EFL1: variants seen among roughly 807,000 people sequenced by gnomAD.
EFL1 encodes elongation factor-like GTPase 1.
Under a neutral mutation model 126.7 loss-of-function variants are expected in EFL1, and 76 were observed. The ratio of observed to expected loss-of-function variants is 0.60; its 90% CI spans 0.50 to 0.73. The LOEUF is 0.73. EFL1 is among the 30% of genes least tolerant of loss of function. The probability of loss-of-function intolerance (pLI) is 0.00; values close to 1 mark genes in which losing one functional copy is unlikely to be tolerated. For synonymous variants in EFL1, 410 were observed against 448.4 expected, an observed-to-expected ratio of 0.91 and a Z score of 1.08; for missense variants, 1,128 against 1,343.2, an observed-to-expected ratio of 0.84 and a Z score of 2.50.
chr15:82,238,575 G>C (rs1383311969), intron 6 of EFL1, 54 bp from the exon 7 acceptor site: 20 of 1,438,780 alleles, frequency 1.4e-5, no homozygotes, highest in Non-Finnish European at 1.9e-5. Flanking sequence ...GCATGCTCAC[G>C]GCAGGAGAAA....
chr15:82,138,715 T>C lies in EFL1; in HGVS notation c.3117A>G (p.Glu1039=), dbSNP rs201517223. 9.4e-5 allele frequency: 151 copies of C among 1,614,066 alleles called. No homozygotes were observed. The African/African-American group carries it at 1.9e-3, about 21-fold the overall frequency. ...PVAESFGFAD[E]IRKRTSGLAS... is the part of the protein sequence containing the mutation. ...CCAGGCCACTTGTCCTCTTCCTGAT[T>C]TCATCAGCAAAACCAAAGCTTTCAG... The change falls in exon 19 of 20, where the codon GAA becomes GAG. Residue 1039 remains glutamate (E), a synonymous_variant. Coordinates refer to ENST00000268206, the MANE Select transcript of EFL1 (RefSeq NM_024580.6).
At chr15:82,136,941 C>T (rs1175852417) in intron 19 of EFL1, among the ~76,000 whole-genome samples, 2 of 151,728 alleles carry the variant, frequency 1.3e-5, no homozygotes, top group Non-Finnish European at 2.9e-5. Flanking sequence ...ACTGTTAAAA[C>T]CTAGAGTTTG....
chr15:82,186,072 T>C (rs1474013581), intron 15 of EFL1, among the ~76,000 whole-genome samples: 2 of 151,822 alleles, frequency 1.3e-5, no homozygotes, highest in African/African-American at 4.8e-5. Context: ...AGTATCTTCT[T>C]TTTTTTTGTA....
chr15:82,141,413 T>C (rs2073785286), intron 18 of EFL1, among the ~76,000 whole-genome samples: 1 of 152,164 alleles, frequency 6.6e-6, no homozygotes, highest in Non-Finnish European at 1.5e-5. Context: ...CTCACGCCTA[T>C]AATCCCAGCA....
rs2141235535 is a variant in EFL1 at position 82,157,738 on chromosome 15, G to A, written c.2005C>T (p.Arg669Ter). ...CTTTCTTTTAAGTCATCCAGGCATCGCTGAAGGTGGACTTCTCCTGCTGTG... is the reference window on the plus strand; with the variant it reads ...CTTTCTTTTAAGTCATCCAGGCATCACTGAAGGTGGACTTCTCCTGCTGTG... ...LVTAGEVHLQ[R>*]CLDDLKERFA... Residue 669 changes from arginine to a stop codon, truncating the protein, a stop_gained, in exon 17 of 20, where the codon CGA (arginine) becomes TGA (stop). Coordinates refer to ENST00000268206, the MANE Select transcript of EFL1 (RefSeq NM_024580.6). LOFTEE classifies it high-confidence loss of function. 12 of 1,612,556 alleles carry A rather than the reference G, an allele frequency of 7.4e-6. No homozygotes were observed. The highest frequency in any genetic ancestry group is 1.1e-5 in the South Asian group (1 of 90,844).
intron 15 of EFL1, among the ~76,000 whole-genome samples, chr15:82,209,300 T>G (rs1390910561): frequency 7.7e-6 from 1 of 130,372 alleles, no homozygotes; most frequent in Non-Finnish European, 1.6e-5. Flanking sequence ...TGACTAAGGA[T>G]TCACACACAG....
chr15:82,158,132 C>A (rs2073986531), intron 16 of EFL1, among the ~76,000 whole-genome samples: 1 of 152,122 alleles, frequency 6.6e-6, no homozygotes, highest in African/African-American at 2.4e-5. Flanking sequence ...ATACAAGCTA[C>A]CATCTTTTTA....
chr15:82,188,904 A>G (rs1184589302), intron 15 of EFL1, among the ~76,000 whole-genome samples: 6 of 148,858 alleles, frequency 4.0e-5, no homozygotes, highest in Admixed American at 6.7e-5. Context: ...GCAATGTTAG[A>G]GAATGTGTTT....
Position 82,151,608 on chromosome 15 carries a change from G to A in EFL1, c.2846C>T (p.Pro949Leu), listed in dbSNP as rs1221494543. 3 of 1,614,126 alleles carry A rather than the reference G, an allele frequency of 1.9e-6. No homozygotes were observed. The South Asian group carries it at 3.3e-5, about 18-fold the overall frequency. The change falls in exon 18 of 20, where the codon CCA becomes CTA. Residue 949 changes from proline to leucine, a missense_variant. Coordinates refer to ENST00000268206, the MANE Select transcript of EFL1 (RefSeq NM_024580.6). ...GAAAGGTCCATAGCAGTCAGTGAGT[G>A]GAGATTCTCCTTTCTGTGATGTCCT... Reference protein sequence around the residue: ...EKRTSQKGESPLTDCYGPFSG... With the variant: ...EKRTSQKGESLLTDCYGPFSG...
At chr15:82,162,017 C>T (rs2074028581) in intron 16 of EFL1, among the ~76,000 whole-genome samples, 1 of 152,192 alleles carries the variant, frequency 6.6e-6, no homozygotes, top group African/African-American at 2.4e-5. Flanking sequence ...GTGGCTCACA[C>T]CTGTAATCCC....
At chr15:82,149,110 T>G (rs995632260) in intron 18 of EFL1, among the ~76,000 whole-genome samples, 3 of 152,110 alleles carry the variant, frequency 2.0e-5, no homozygotes, top group Non-Finnish European at 4.4e-5. Flanking sequence ...ATGAAAAAAA[T>G]GAATAAGAAA....
chr15:82,153,574 T>A (rs116586756), intron 17 of EFL1, among the ~76,000 whole-genome samples: 1,550 of 152,292 alleles, frequency 0.01, 31 homozygotes, highest in African/African-American at 0.034. Flanking sequence ...TAAGAAAGAT[T>A]AAGTAATTTC....
intron 19 of EFL1, among the ~76,000 whole-genome samples, chr15:82,137,729 TA>T (rs1361993346): frequency 6.6e-6 from 1 of 152,244 alleles, no homozygotes; most frequent in African/African-American, 2.4e-5. Context: ...ACTGCTTTCT[TA>T]AAACAATCTT....
intron 15 of EFL1, among the ~76,000 whole-genome samples, chr15:82,194,727 G>A (rs1026466604): frequency 1.3e-5 from 2 of 152,134 alleles, no homozygotes; most frequent in Non-Finnish European, 1.5e-5. Context: ...AGCAACCCAC[G>A]TTGTAAGGCC....
intron 17 of EFL1, among the ~76,000 whole-genome samples, chr15:82,154,367 C>G (rs2141231540): frequency 6.6e-6 from 1 of 152,246 alleles, no homozygotes; most frequent in South Asian, 2.1e-4. Context: ...CTCCTTGTCT[C>G]CCATTCCTGG....
intron 15 of EFL1, among the ~76,000 whole-genome samples, chr15:82,182,965 T>C (rs2074267971): frequency 6.6e-6 from 1 of 152,094 alleles, no homozygotes; most frequent in Admixed American, 6.5e-5. Context: ...TATGCCAGCA[T>C]TGGAGCTGCT....
intron 18 of EFL1, among the ~76,000 whole-genome samples, chr15:82,146,293 A>T (rs2073845183): frequency 6.6e-6 from 1 of 152,196 alleles, no homozygotes; most frequent in Non-Finnish European, 1.5e-5. Context: ...AATAAAAAAG[A>T]CCTGAAATCA....
At chr15:82,221,681 C>A (rs150336439) in intron 12 of EFL1, among the ~76,000 whole-genome samples, 34 of 152,288 alleles carry the variant, frequency 2.2e-4, no homozygotes, top group Non-Finnish European at 4.9e-4. Context: ...GAGAAACAAT[C>A]CTTGAGCCTG....
chr15:82,227,821 T>A (rs2074780459), intron 10 of EFL1, among the ~76,000 whole-genome samples: 1 of 152,198 alleles, frequency 6.6e-6, no homozygotes, highest in African/African-American at 2.4e-5. Context: ...ATGAAACAAA[T>A]GAGAACAGAG....
Sources: gnomAD v4.1 joint callset for allele counts (sites outside exome capture counted in the v4.1 genomes callset) on GRCh38, gnomAD v4.1.1 for gene constraint, MANE v1.5 for transcripts, NCBI Gene and HGNC (gene_info 2026-07-23, HGNC 2026-07-21) for gene names.